RELN: variants seen among roughly 807,000 people sequenced by gnomAD.
RELN encodes reelin.
A neutral mutation model predicts 427.6 loss-of-function variants in RELN; 108 were observed. That is an observed-to-expected ratio of 0.25 (90% CI 0.22 to 0.30). The LOEUF (loss-of-function observed/expected upper bound fraction) is 0.30, where lower values mean the gene tolerates loss of function less well. RELN is among the 10% of genes least tolerant of loss of function. The probability of loss-of-function intolerance (pLI) is 1.00; values close to 1 mark genes in which losing one functional copy is unlikely to be tolerated. For missense variants in RELN, 3,715 were observed against 4,302.8 expected, an observed-to-expected ratio of 0.86 and a Z score of 3.82; for synonymous variants, 1,524 against 1,513.4, an observed-to-expected ratio of 1.01 and a Z score of -0.16.
At chr7:103,723,545 T>C (rs901046887) in intron 7 of RELN, among the ~76,000 whole-genome samples, 6 of 152,112 alleles carry the variant, frequency 3.9e-5, no homozygotes, top group African/African-American at 1.4e-4. Context: ...TCCTACCAGA[T>C]CAATAGATCG....
chr7:103,989,381 G>GCCGCCGCCGC lies in RELN; in HGVS notation c.-26_-25insGCGGCGGCGG. On this transcript the variant is annotated 5_prime_UTR_variant, in exon 1 of 65. Transcript: ENST00000428762. The surrounding 1 kb of genome is among the most constrained non-coding windows in gnomAD (Gnocchi z 4.9). ...TGCCGCCGCCGCCGCCGCCGCCGCC[G>GCCGCCGCCGC]CGCGCCCTACGCGCCGCTCGCTCAT... 4.9e-6 allele frequency: 7 copies of GCCGCCGCCGC among 1,441,308 alleles called. No homozygotes were observed. The highest frequency in any genetic ancestry group is 6.3e-6 in the Non-Finnish European group (7 of 1,108,588). The allele number at this position is 1,441,308 out of a possible 1,614,324, so 89.3% of individuals were successfully genotyped here.
At chr7:103,562,104 AAG>A in intron 34 of RELN, 151 bp from the exon 35 acceptor site, 1 of 872,728 alleles carries the variant, frequency 1.1e-6, no homozygotes. Flanking sequence ...TTTTCCTACT[AAG>A]TAGTAAGAAA....
At chr7:103,596,279 C>T (rs1213376461) in intron 25 of RELN, among the ~76,000 whole-genome samples, 177 bp downstream of exon 25, 4 of 152,142 alleles carry the variant, frequency 2.6e-5, no homozygotes, top group Non-Finnish European at 5.9e-5. Context: ...AATACAAATG[C>T]TTTCTGTCCA....
chr7:103,542,661 C>T, intron 43 of RELN, 70 bp downstream of exon 43: 1 of 1,553,390 alleles, frequency 6.4e-7, no homozygotes, highest in Non-Finnish European at 8.9e-7. Context: ...CTGCTTCCTT[C>T]TGATTTGATT....
chr7:103,641,508 T>A (rs148155173), intron 16 of RELN, among the ~76,000 whole-genome samples: 80 of 152,276 alleles, frequency 5.3e-4, no homozygotes, highest in African/African-American at 1.9e-3. Flanking sequence ...AGAGATTAGA[T>A]AGCAGGCTGA....
chr7:103,615,038 C>A (rs1010783579), intron 20 of RELN, among the ~76,000 whole-genome samples: 1 of 152,104 alleles, frequency 6.6e-6, no homozygotes, highest in Admixed American at 6.6e-5. Flanking sequence ...AGCTGAACTT[C>A]TTTTCTGTTA....
intron 47 of RELN, among the ~76,000 whole-genome samples, chr7:103,522,854 C>CACACACAGACACACACACACACACAA (rs1170048207): frequency 2.0e-4 from 1 of 4,894 alleles, no homozygotes; most frequent in African/African-American, 1.8e-3. Context: ...CACACACACC[C>CACACACAGACACACACACACACACAA]CCACACCTTC....
chr7:103,567,791 T>A (rs10258556), intron 31 of RELN, among the ~76,000 whole-genome samples: 2,092 of 148,368 alleles, frequency 0.014, 56 homozygotes, highest in African/African-American at 0.049. Context: ...TATATATATT[T>A]TATATATATA....
intron 8 of RELN, among the ~76,000 whole-genome samples, chr7:103,705,058 G>C (rs1349448293): frequency 6.6e-6 from 1 of 152,044 alleles, no homozygotes; most frequent in Non-Finnish European, 1.5e-5. Context: ...TTGCTTCTGA[G>C]CCTCCTTTGT....
At chr7:103,947,707 T>C (rs1465841649) in intron 1 of RELN, among the ~76,000 whole-genome samples, 1 of 152,212 alleles carries the variant, frequency 6.6e-6, no homozygotes, top group African/African-American at 2.4e-5. Context: ...TAGTAAAATG[T>C]TGTGTGTTAC....
At chr7:103,504,256 A>G (rs1219139417) in intron 51 of RELN, 1 of 152,228 alleles carries the variant, frequency 6.6e-6, no homozygotes, top group African/African-American at 2.4e-5. Context: ...TAGTATTAAT[A>G]GAGAGATGGG....
At chr7:103,738,023 C>G (rs1052843729) in intron 6 of RELN, among the ~76,000 whole-genome samples, 3 of 151,366 alleles carry the variant, frequency 2.0e-5, no homozygotes, top group Non-Finnish European at 2.9e-5. Flanking sequence ...AGGAGTAACT[C>G]CTGTTCTTCC....
At chr7:103,630,641 T>C (rs912759523) in intron 19 of RELN, among the ~76,000 whole-genome samples, 6 of 152,190 alleles carry the variant, frequency 3.9e-5, no homozygotes, top group Non-Finnish European at 5.9e-5. Flanking sequence ...GCGATTATTG[T>C]ACACAGCAGC....
At chr7:103,624,576 G>A (rs1417724303) in intron 20 of RELN, among the ~76,000 whole-genome samples, 1 of 152,042 alleles carries the variant, frequency 6.6e-6, no homozygotes, top group Non-Finnish European at 1.5e-5. Flanking sequence ...ACAGGCGTCC[G>A]CCACCAGGCC....
Position 103,510,969 on chromosome 7 carries a change from A to G in RELN, c.8156T>C (p.Val2719Ala). 6.2e-7 allele frequency: 1 copy of G among 1,613,684 alleles called. No individual in the cohort carries two copies. Among genetic ancestry groups the G allele is most frequent in the South Asian group, 1.1e-5 (1 of 91,076 alleles). Reference sequence around the variant, plus strand: ...ATCAGGGGAGTCACAGAATCTTTCTACTGTACAATCATCATGGAATAGCCA... The same window carrying G: ...ATCAGGGGAGTCACAGAATCTTTCTGCTGTACAATCATCATGGAATAGCCA... Reference protein sequence around the residue: ...EHWLFHDDCTVERFCDSPDGV... With the variant: ...EHWLFHDDCTAERFCDSPDGV... The change falls in exon 51 of 65, where the codon GTA becomes GCA. Residue 2719 changes from valine (V) to alanine (A), a missense_variant. Val to Ala is a moderately conservative substitution (Grantham distance 64). Around this residue, in one of 4 missense-constraint regions of RELN, gnomAD observed 1,310 missense variants for 1,643.0 expected, o/e 0.80. Coordinates refer to ENST00000428762, the MANE Select transcript of RELN (RefSeq NM_005045.4).
intron 3 of RELN, among the ~76,000 whole-genome samples, chr7:103,827,259 C>T (rs1793165648): frequency 6.6e-6 from 1 of 151,844 alleles, no homozygotes; most frequent in African/African-American, 2.4e-5. Context: ...TGCAAAGCAG[C>T]ATACTGTGGA....
intron 16 of RELN, among the ~76,000 whole-genome samples, chr7:103,642,349 G>GTTTTT (rs201250403): frequency 3.5e-5 from 4 of 112,756 alleles, no homozygotes; most frequent in Non-Finnish European, 5.3e-5. Context: ...ATTTCATAGT[G>GTTTTT]TTTTTTTTTT....
intron 11 of RELN, among the ~76,000 whole-genome samples, chr7:103,679,955 G>T (rs1833618786): frequency 2.0e-5 from 3 of 152,138 alleles, no homozygotes; most frequent in Admixed American, 2.0e-4. Context: ...GTTACTCATA[G>T]AGAGCTGAAT....
intron 2 of RELN, among the ~76,000 whole-genome samples, chr7:103,909,660 TATAA>T (rs1208666949): frequency 1.2e-5 from 1 of 86,036 alleles, no homozygotes; most frequent in African/African-American, 5.2e-5. Flanking sequence ...ATTTAATATA[TATAA>T]ATATATATTA....
Sources: gnomAD v4.1 joint callset for allele counts (sites outside exome capture counted in the v4.1 genomes callset) on GRCh38, gnomAD v4.1.1 for gene constraint, gnomAD v4.1.1 regional missense constraint, Gnocchi (gnomAD v3.1) non-coding constraint, MANE v1.5 for transcripts, NCBI Gene and HGNC (gene_info 2026-07-23, HGNC 2026-07-21) for gene names.